ATP6V0E1: variants seen among roughly 807,000 people sequenced by gnomAD.
The protein encoded by ATP6V0E1 is V-type proton ATPase subunit e 1.
In ATP6V0E1, 4 loss-of-function variants were observed where a neutral mutation model predicts 11.6. The observed-to-expected ratio is 0.35, with a 90% CI of 0.17 to 0.79. The LOEUF is 0.79. Ranked by LOEUF, ATP6V0E1 falls within the 30% of genes least tolerant of loss-of-function variation. ATP6V0E1 has a pLI of 0.54. For synonymous variants in ATP6V0E1, 36 were observed against 34.8 expected, an observed-to-expected ratio of 1.04 and a Z score of -0.13; for missense variants, 105 against 100.0, an observed-to-expected ratio of 1.05 and a Z score of -0.21.
chr5:172,991,859 C>T (rs1755982085), intron 1 of ATP6V0E1, among the ~76,000 whole-genome samples: 1 of 152,058 alleles, frequency 6.6e-6, no homozygotes, highest in South Asian at 2.1e-4. Flanking sequence ...TCTTTTTGCC[C>T]CGCTTCCCCC....
At chr5:173,016,176 G>A (rs1756397055) in intron 2 of ATP6V0E1, among the ~76,000 whole-genome samples, 1 of 152,224 alleles carries the variant, frequency 6.6e-6, no homozygotes, top group Non-Finnish European at 1.5e-5. Flanking sequence ...GCTTGCGATT[G>A]GCATCAGAAG....
chr5:172,994,757 A>ATTT lies in ATP6V0E1; in HGVS notation c.105-5_105-3dup. On this transcript the variant is annotated splice_polypyrimidine_tract_variant and intron_variant, in intron 1 of 3. Coordinates refer to ENST00000519374, the MANE Select transcript of ATP6V0E1 (RefSeq NM_003945.4). ...TTGCTAGTTATTTAATGACATTTGC[A>ATTT]TTTTTTTTTTTTTTTAGAGTTATCA... is the stretch of plus-strand genomic sequence containing the variant. 2.9e-5 allele frequency: 41 copies of ATTT among 1,397,474 alleles called. No individual in the cohort carries two copies. Among genetic ancestry groups the ATTT allele is most frequent in the South Asian group, 5.3e-5 (4 of 75,244 alleles). 86.6% of individuals were successfully genotyped at this position (1,397,474 alleles called of 1,614,324 possible).
At chr5:173,009,952 C>T (rs190423285) in intron 2 of ATP6V0E1, among the ~76,000 whole-genome samples, 12 of 151,572 alleles carry the variant, frequency 7.9e-5, no homozygotes, top group Non-Finnish European at 1.2e-4. Flanking sequence ...TTAGTAGAGA[C>T]GGGGTTTCAC....
At chr5:173,032,257 A>ATTTTAT (rs200070720) in intron 3 of ATP6V0E1, among the ~76,000 whole-genome samples, 96 of 98,634 alleles carry the variant, frequency 9.7e-4, no homozygotes, top group Non-Finnish European at 1.3e-3. Context: ...TATTTTATTT[A>ATTTTAT]TTTATTTATT....
chr5:172,993,193 G>A (rs1224669562), intron 1 of ATP6V0E1, among the ~76,000 whole-genome samples: 1 of 152,136 alleles, frequency 6.6e-6, no homozygotes, highest in African/African-American at 2.4e-5. Context: ...TGTTGAACGA[G>A]TAAATGAATG....
At chr5:173,013,470 G>C (rs1001912369) in intron 2 of ATP6V0E1, among the ~76,000 whole-genome samples, 4 of 151,554 alleles carry the variant, frequency 2.6e-5, no homozygotes, top group Admixed American at 2.0e-4. Flanking sequence ...AGCTACTCCG[G>C]AGGCTGAGGC....
At chr5:173,028,936 T>G (rs1167804495) in intron 3 of ATP6V0E1, among the ~76,000 whole-genome samples, 1 of 152,228 alleles carries the variant, frequency 6.6e-6, no homozygotes, top group Non-Finnish European at 1.5e-5. Flanking sequence ...TGGCTTCGGC[T>G]TCAGATCCAG....
chr5:173,008,807 A>G (rs1403071822), intron 2 of ATP6V0E1, among the ~76,000 whole-genome samples: 1 of 146,482 alleles, frequency 6.8e-6, no homozygotes, highest in Non-Finnish European at 1.5e-5. Context: ...GCTACTTGGG[A>G]GGCTGAGGCA....
intron 2 of ATP6V0E1, among the ~76,000 whole-genome samples, chr5:173,008,427 A>G (rs1756262210): frequency 6.7e-6 from 1 of 148,788 alleles, no homozygotes; most frequent in Non-Finnish European, 1.5e-5. Context: ...CAGCCTCTCT[A>G]GTAGCTGGGA....
chr5:173,034,582 C>T lies in ATP6V0E1; in HGVS notation c.*220C>T. On this transcript the variant is annotated 3_prime_UTR_variant, in exon 4 of 4. Transcript: ENST00000519374. ...TTTGGTGAATTACGTGCCTCCATAA[C>T]CTGAACTGTGCCGACTCCACAAAAC... 1.5e-6 allele frequency: 1 copy of T among 651,804 alleles called. No homozygotes were observed. Among genetic ancestry groups the T allele is most frequent in the Non-Finnish European group, 2.8e-6 (1 of 354,808 alleles). 40.4% of individuals were successfully genotyped at this position (651,804 alleles called of 1,614,324 possible).
intron 2 of ATP6V0E1, among the ~76,000 whole-genome samples, chr5:173,007,906 G>A (rs993887502): frequency 2.0e-5 from 3 of 152,164 alleles, no homozygotes; most frequent in Admixed American, 6.5e-5. Context: ...CCCCATACGA[G>A]CAGGAGGCCT....
intron 2 of ATP6V0E1, among the ~76,000 whole-genome samples, chr5:173,000,575 G>A (rs902343168): frequency 2.0e-5 from 3 of 152,086 alleles, no homozygotes; most frequent in Admixed American, 2.0e-4. Context: ...CGAGACCTAG[G>A]TTCTTTTAGG....
intron 3 of ATP6V0E1, among the ~76,000 whole-genome samples, chr5:173,023,054 AC>A (rs1239443593): frequency 6.6e-6 from 1 of 151,830 alleles, no homozygotes; most frequent in African/African-American, 2.4e-5. Context: ...ATGAGGTCTC[AC>A]CATCTTGCCT....
At chr5:172,990,418 G>A (rs1049364635) in intron 1 of ATP6V0E1, among the ~76,000 whole-genome samples, 9 of 152,198 alleles carry the variant, frequency 5.9e-5, no homozygotes, top group Admixed American at 1.3e-4. Context: ...AGATGTGGGG[G>A]AGGAGAAAAG....
At chr5:173,021,907 C>T (rs925089040) in intron 3 of ATP6V0E1, among the ~76,000 whole-genome samples, 12 of 152,132 alleles carry the variant, frequency 7.9e-5, no homozygotes, top group Non-Finnish European at 1.3e-4. Flanking sequence ...CAGTGGTGGG[C>T]GCATGTAGTC....
chr5:172,989,101 A>G (rs933897532), intron 1 of ATP6V0E1, among the ~76,000 whole-genome samples: 3 of 152,178 alleles, frequency 2.0e-5, no homozygotes, highest in Non-Finnish European at 2.9e-5. Context: ...TGGGAGGCTG[A>G]GGTGGGAGGA....
intron 3 of ATP6V0E1, among the ~76,000 whole-genome samples, chr5:173,029,838 A>C (rs1219907092): frequency 6.6e-6 from 1 of 152,176 alleles, no homozygotes; most frequent in East Asian, 1.9e-4. Context: ...GGTCATGTCC[A>C]GCTCTGACTT....
At chr5:173,022,773 C>T (rs1285039338) in intron 3 of ATP6V0E1, among the ~76,000 whole-genome samples, 3 of 152,112 alleles carry the variant, frequency 2.0e-5, no homozygotes, top group Admixed American at 6.5e-5. Context: ...GCTGGGACTA[C>T]AGGCACACAC....
intron 2 of ATP6V0E1, among the ~76,000 whole-genome samples, chr5:173,003,268 A>G (rs1404640033): frequency 1.3e-5 from 2 of 152,036 alleles, no homozygotes; most frequent in Non-Finnish European, 1.5e-5. Context: ...TGGGAAGTGA[A>G]TGAAGGGGCT....
Sources: allele counts gnomAD v4.1 joint callset (sites outside exome capture counted in the v4.1 genomes callset), GRCh38; gene constraint gnomAD v4.1.1; transcripts MANE v1.5; gene names NCBI Gene and HGNC (gene_info 2026-07-23, HGNC 2026-07-21).